Variants in TFEC observed in about 807,000 individuals in gnomAD.
TFEC encodes transcription factor EC.
TFEC carries 31 observed loss-of-function variants against 41.6 expected under a neutral mutation model. The observed-to-expected ratio is 0.74, with a 90% confidence interval of 0.56 to 1.01. The LOEUF (loss-of-function observed/expected upper bound fraction) is 1.01. Among genes scored for constraint, TFEC ranks in the 50% least tolerant of loss-of-function variants. The pLI, the probability that TFEC is intolerant of heterozygous loss-of-function variation, is 0.00. For synonymous variants in TFEC, 143 were observed against 140.6 expected, an observed-to-expected ratio of 1.02 and a Z score of -0.12; for missense variants, 402 against 404.1, an observed-to-expected ratio of 0.99 and a Z score of 0.04.
chr7:116,043,896 G>A (rs887732894), intron 3 of TFEC, among the ~76,000 whole-genome samples: 2 of 152,168 alleles, frequency 1.3e-5, no homozygotes, highest in Non-Finnish European at 2.9e-5. Context: ...TTGTGTAGGT[G>A]AGAATAGTAC....
intron 1 of TFEC, among the ~76,000 whole-genome samples, chr7:116,115,311 A>C (rs1797962030): frequency 6.6e-6 from 1 of 151,908 alleles, no homozygotes; most frequent in Non-Finnish European, 1.5e-5. Context: ...AACAACATAC[A>C]TTTTTTGCTC....
At chr7:116,159,315 C>T (rs200859007) in intron 1 of TFEC, among the ~76,000 whole-genome samples, 1 of 151,656 alleles carries the variant, frequency 6.6e-6, no homozygotes, top group East Asian at 1.9e-4. Context: ...ATAAAATAAC[C>T]ATTTTGTCTT....
intron 7 of TFEC, chr7:115,941,554 T>C (rs1793500991): frequency 3.5e-6 from 1 of 283,884 alleles, no homozygotes; most frequent in South Asian, 1.5e-4. Context: ...GATAATAATG[T>C]GTGCATTTAT....
intron 6 of TFEC, among the ~76,000 whole-genome samples, chr7:115,942,697 T>C (rs1793566650): frequency 6.6e-6 from 1 of 152,004 alleles, no homozygotes; most frequent in African/African-American, 2.4e-5. Flanking sequence ...TAAGTAAATA[T>C]AATTAAACAT....
intron 1 of TFEC, among the ~76,000 whole-genome samples, chr7:116,005,520 A>G (rs1410220431): frequency 2.0e-5 from 3 of 152,206 alleles, no homozygotes; most frequent in Admixed American, 2.0e-4. Context: ...GAGATGACTT[A>G]GGGTATCTGG....
chr7:116,043,706 C>T lies in TFEC; in HGVS notation c.199-59193G>A, dbSNP rs571526686. Among the ~76,000 whole-genome samples the T allele has an allele frequency of 2.0e-5, 3 of 152,220 alleles. No homozygotes were observed. In the South Asian group the frequency reaches 6.2e-4, roughly 32 times the overall value. On this transcript the variant is annotated intron_variant, in intron 3 of 8. Transcript: ENST00000484212. ...AAAGGAAAAGAAACATATGAAAATA[C>T]ATCTGAGTATTGAACAGAGTGTGAC...
chr7:115,955,357 AT>A (rs1470741863), intron 4 of TFEC, among the ~76,000 whole-genome samples: 2 of 152,054 alleles, frequency 1.3e-5, no homozygotes, highest in African/African-American at 4.8e-5. Context: ...AATAGGAGAA[AT>A]TTTTAACTTT....
At chr7:116,145,285 A>G (rs1407809721) in intron 1 of TFEC, among the ~76,000 whole-genome samples, 1 of 152,174 alleles carries the variant, frequency 6.6e-6, no homozygotes, top group Admixed American at 6.5e-5. Flanking sequence ...GAGAGAGTAA[A>G]TTGATATCTA....
chr7:116,151,586 C>T (rs535559517), intron 1 of TFEC, among the ~76,000 whole-genome samples: 1 of 152,106 alleles, frequency 6.6e-6, no homozygotes, highest in African/African-American at 2.4e-5. Context: ...TTTTCTTCTC[C>T]TTGTAGTAGG....
intron 1 of TFEC, among the ~76,000 whole-genome samples, chr7:116,011,714 G>A (rs1795008162): frequency 6.6e-6 from 1 of 152,144 alleles, no homozygotes; most frequent in South Asian, 2.1e-4. Context: ...AGTGTTGGAG[G>A]AGGACCTAGT....
chr7:115,987,984 G>A (rs150377664), intron 1 of TFEC, among the ~76,000 whole-genome samples: 251 of 152,028 alleles, frequency 1.7e-3, no homozygotes, highest in Non-Finnish European at 3.2e-3. Flanking sequence ...AAATTTTTTG[G>A]TTTTTAAAAC....
At chr7:115,994,555 C>G (rs1175737872) in intron 1 of TFEC, among the ~76,000 whole-genome samples, 1 of 152,146 alleles carries the variant, frequency 6.6e-6, no homozygotes, top group Non-Finnish European at 1.5e-5. Context: ...AGGATATGAA[C>G]AGACACTTCT....
chr7:115,945,260 CT>C (rs1791468475), intron 6 of TFEC, among the ~76,000 whole-genome samples: 1 of 151,222 alleles, frequency 6.6e-6, no homozygotes, highest in South Asian at 2.2e-4. Context: ...CTACCCTTCC[CT>C]TTTTCCAGCA....
chr7:115,955,780 AG>A (rs1792191997), intron 4 of TFEC, among the ~76,000 whole-genome samples: 1 of 152,074 alleles, frequency 6.6e-6, no homozygotes. Context: ...AAAGTTAATA[AG>A]ATAATACATT....
At chr7:116,092,658 T>C (rs1169135869) in intron 3 of TFEC, among the ~76,000 whole-genome samples, 2 of 152,154 alleles carry the variant, frequency 1.3e-5, no homozygotes, top group African/African-American at 2.4e-5. Flanking sequence ...CAGGCTATGG[T>C]TAAAGGAGAT....
Position 116,008,076 on chromosome 7 carries a change from G to A in TFEC, c.-73+22557C>T, listed in dbSNP as rs570145332. ...ACCACTTATCTAAACTGAGGGCAAA[G>A]AACCTGGGAGGAGATAAATCCGCTT... On this transcript the variant is annotated intron_variant, in intron 1 of 7. Coordinates refer to ENST00000265440, the MANE Select transcript of TFEC (RefSeq NM_012252.4). Among the ~76,000 whole-genome samples the A allele has an allele frequency of 3.3e-5, 5 of 152,254 alleles. No individual in the cohort carries two copies. In the South Asian group the frequency reaches 1.0e-3, roughly 32 times the overall value.
At chr7:115,989,531 A>G (rs1794011487) in intron 1 of TFEC, among the ~76,000 whole-genome samples, 1 of 152,212 alleles carries the variant, frequency 6.6e-6, no homozygotes, top group Non-Finnish European at 1.5e-5. Context: ...CTGGAAAATC[A>G]GGACACTACC....
chr7:116,072,595 T>A (rs1471003779), intron 3 of TFEC, among the ~76,000 whole-genome samples: 1 of 151,616 alleles, frequency 6.6e-6, no homozygotes, highest in Non-Finnish European at 1.5e-5. Context: ...TTCTTAAAGA[T>A]ACATATTATT....
At chr7:115,990,094 T>A (rs142485136) in intron 1 of TFEC, among the ~76,000 whole-genome samples, 19,259 of 152,234 alleles carry the variant, frequency 0.13, 1,320 homozygotes, top group Middle Eastern at 0.18. Flanking sequence ...CAGCCTCTGC[T>A]GGTGATACCA....
Sources: gnomAD v4.1 joint callset for allele counts (sites outside exome capture counted in the v4.1 genomes callset) on GRCh38, gnomAD v4.1.1 for gene constraint, MANE v1.5 for transcripts, NCBI Gene and HGNC (gene_info 2026-07-23, HGNC 2026-07-21) for gene names.